The following GPR176 variants were observed in gnomAD, a reference collection of about 807,000 sequenced individuals.
GPR176 encodes the protein G-protein coupled receptor 176.
GPR176 carries 26 observed loss-of-function variants against 35.4 expected under a neutral mutation model. That is an observed-to-expected ratio of 0.74 (90% CI 0.54 to 1.02). The LOEUF (loss-of-function observed/expected upper bound fraction) is 1.02, where lower values mean the gene tolerates loss of function less well. Among genes scored for constraint, GPR176 ranks in the 50% least tolerant of loss-of-function variants. GPR176 has a pLI of 0.00. For synonymous variants in GPR176, 278 were observed against 271.3 expected (o/e 1.02, Z -0.24); for missense variants, 597 against 665.3 (o/e 0.90, Z 1.13).
chr15:39,893,692 G>A (rs1168118224), intron 1 of GPR176, among the ~76,000 whole-genome samples: 4 of 151,344 alleles, frequency 2.6e-5, no homozygotes, highest in Non-Finnish European at 5.9e-5. Flanking sequence ...GGGCAGAGGC[G>A]CCCATCACCT....
intron 1 of GPR176, among the ~76,000 whole-genome samples, chr15:39,830,299 A>T (rs1900981540): frequency 6.6e-6 from 1 of 152,244 alleles, no homozygotes; most frequent in African/African-American, 2.4e-5. Context: ...GTTTACAAAA[A>T]TAAACAAGAC....
Position 39,801,166 on chromosome 15 carries a change from TTG to T in GPR176, c.1512_1513del (p.Asn504LysfsTer2). 1 of 1,611,010 alleles carries T rather than the reference TTG, an allele frequency of 6.2e-7. No homozygotes were observed. The highest frequency in any genetic ancestry group is 8.5e-7 in the Non-Finnish European group (1 of 1,178,234). On this transcript the variant is annotated frameshift_variant, in exon 3 of 3. Coordinates refer to ENST00000561100, the MANE Select transcript of GPR176 (RefSeq NM_007223.3). LOFTEE classifies it high-confidence loss of function. ...CACCTTTGGAAAAATGCTCACTTTA[TTG>T]TTTCTGCTCATCTTCCGCTCCACCC...
chr15:39,810,195 G>A (rs565254827), intron 1 of GPR176, among the ~76,000 whole-genome samples: 2 of 150,568 alleles, frequency 1.3e-5, no homozygotes, highest in South Asian at 2.1e-4. Flanking sequence ...AAACCCCCAT[G>A]GCACATGTTT....
intron 1 of GPR176, among the ~76,000 whole-genome samples, chr15:39,909,155 A>G (rs774089726): frequency 6.6e-6 from 1 of 152,198 alleles, no homozygotes; most frequent in South Asian, 2.1e-4. Context: ...GTTCTGCCCA[A>G]CAGATGTTCC....
At chr15:39,807,719 T>C in intron 1 of GPR176, 1 of 601,248 alleles carries the variant, frequency 1.7e-6, no homozygotes, top group Non-Finnish European at 3.0e-6. Flanking sequence ...GAGATTTTAA[T>C]AATATTTTTT....
chr15:39,834,532 G>A (rs2140778278), intron 1 of GPR176, among the ~76,000 whole-genome samples: 1 of 152,228 alleles, frequency 6.6e-6, no homozygotes, highest in East Asian at 1.9e-4. Context: ...AGCAACCTAA[G>A]TGTCCACTAA....
Position 39,803,271 on chromosome 15 carries a change from C to CTTTT in GPR176, c.426-1021_426-1018dup, listed in dbSNP as rs769645892. On this transcript the variant is annotated intron_variant, in intron 2 of 2. Coordinates refer to ENST00000561100, the MANE Select transcript of GPR176 (RefSeq NM_007223.3). Reference sequence around the variant, plus strand: ...ATAAGCTTTCAGATAACAAGTACTTCTTTTTTTTTTTTTTTTTTTTTTTTT... The same window carrying CTTTT: ...ATAAGCTTTCAGATAACAAGTACTTCTTTTTTTTTTTTTTTTTTTTTTTTTTTTT... 4.6e-3 allele frequency among the ~76,000 whole-genome samples: 394 copies of CTTTT among 85,572 alleles called. 56 individuals carry two copies. The highest frequency in any genetic ancestry group is 6.7e-3 in the Non-Finnish European group (297 of 44,196). The allele number at this position is 85,572 out of a possible 152,430, so 56.1% of individuals were successfully genotyped here. A position where few individuals can be genotyped will look rare whatever the true frequency, so the allele number is the denominator to read the frequency against.
chr15:39,907,606 C>T (rs2033460092), intron 1 of GPR176, among the ~76,000 whole-genome samples: 1 of 152,210 alleles, frequency 6.6e-6, no homozygotes, highest in African/African-American at 2.4e-5. Flanking sequence ...CCTTAGCCCT[C>T]CCTGCCTGCT....
At chr15:39,865,514 G>A (rs2031790794) in intron 1 of GPR176, among the ~76,000 whole-genome samples, 1 of 152,074 alleles carries the variant, frequency 6.6e-6, no homozygotes, top group Non-Finnish European at 1.5e-5. Flanking sequence ...ACACATGGAG[G>A]TAGAGCATGG....
chr15:39,876,836 G>A (rs75955635), intron 1 of GPR176, among the ~76,000 whole-genome samples: 1 of 151,812 alleles, frequency 6.6e-6, no homozygotes, highest in African/African-American at 2.4e-5. Flanking sequence ...GAGAGAGAGA[G>A]GGAGAGAGGG....
intron 1 of GPR176, among the ~76,000 whole-genome samples, chr15:39,824,570 TG>T (rs1900499104): frequency 6.6e-6 from 1 of 152,256 alleles, no homozygotes; most frequent in African/African-American, 2.4e-5. Flanking sequence ...TCCACTAAAC[TG>T]TAAGTTTTAT....
intron 1 of GPR176, among the ~76,000 whole-genome samples, chr15:39,903,583 G>GTT (rs34778665): frequency 2.3e-4 from 34 of 148,644 alleles, no homozygotes; most frequent in African/African-American, 4.4e-4. Flanking sequence ...CATATGTGAG[G>GTT]TTTTTTTTTT....
chr15:39,815,833 G>A (rs1038482495), intron 1 of GPR176, among the ~76,000 whole-genome samples: 1 of 151,236 alleles, frequency 6.6e-6, no homozygotes, highest in Non-Finnish European at 1.5e-5. Flanking sequence ...GTATCTAAAA[G>A]AGATATCTAC....
At chr15:39,804,188 AG>A (rs1899055057) in intron 2 of GPR176, among the ~76,000 whole-genome samples, 1 of 152,216 alleles carries the variant, frequency 6.6e-6, no homozygotes, top group South Asian at 2.1e-4. Context: ...ATAAGCACAC[AG>A]GCTCACTATA....
chr15:39,916,766 T>C (rs1261983355), intron 1 of GPR176, among the ~76,000 whole-genome samples: 1 of 152,248 alleles, frequency 6.6e-6, no homozygotes, highest in African/African-American at 2.4e-5. Context: ...CCTCCCACAA[T>C]TTACTTTTCA....
rs925349729 is a variant in GPR176 at position 39,834,116 on chromosome 15, T to G, written c.173-26858A>C. 2.6e-5 allele frequency among the ~76,000 whole-genome samples: 4 copies of G among 152,342 alleles called. No individual in the cohort carries two copies. In the East Asian group the frequency reaches 7.7e-4, roughly 29 times the overall value. On this transcript the variant is annotated intron_variant, in intron 1 of 2. Coordinates refer to ENST00000561100, the MANE Select transcript of GPR176 (RefSeq NM_007223.3). ...TTCACAGTTCAGTAGTTTATTCATTTTGCTAAGAGCAAGCTTGTTGTAGTC... is the reference window on the plus strand; with the variant it reads ...TTCACAGTTCAGTAGTTTATTCATTGTGCTAAGAGCAAGCTTGTTGTAGTC...
chr15:39,849,262 C>T (rs946257156), intron 1 of GPR176, among the ~76,000 whole-genome samples: 1 of 152,130 alleles, frequency 6.6e-6, no homozygotes, highest in African/African-American at 2.4e-5. Context: ...ATCATTTGAA[C>T]AATCCTATCA....
chr15:39,913,544 CAAA>C (rs112677908), intron 1 of GPR176, among the ~76,000 whole-genome samples: 1 of 117,990 alleles, frequency 8.5e-6, no homozygotes. Context: ...GACCCTGTCT[CAAA>C]AAAAAAAAAG....
intron 1 of GPR176, among the ~76,000 whole-genome samples, chr15:39,870,212 T>C (rs1377985582): frequency 6.6e-6 from 1 of 152,204 alleles, no homozygotes; most frequent in African/African-American, 2.4e-5. Context: ...AGAACATTTG[T>C]GATGACATTT....
Sources: allele counts gnomAD v4.1 joint callset (sites outside exome capture counted in the v4.1 genomes callset), GRCh38; gene constraint gnomAD v4.1.1; transcripts MANE v1.5; gene names NCBI Gene and HGNC (gene_info 2026-07-23, HGNC 2026-07-21).